SLFN12L: variants seen among roughly 807,000 people sequenced by gnomAD.
SLFN12L encodes the protein schlafen family member 12 like.
SLFN12L carries 34 observed loss-of-function variants against 34.8 expected under a neutral mutation model. The ratio of observed to expected loss-of-function variants is 0.98; its 90% CI spans 0.74 to 1.30. The LOEUF (loss-of-function observed/expected upper bound fraction) is 1.30. Ranked by LOEUF, SLFN12L falls within the 50% of genes most tolerant of loss-of-function variation. The pLI is 0.00. For missense variants in SLFN12L, 703 were observed against 696.2 expected (o/e 1.01, Z -0.11); for synonymous variants, 259 against 247.5 (o/e 1.05, Z -0.44).
intron 1 of SLFN12L, among the ~76,000 whole-genome samples, chr17:35,531,668 G>A (rs1286187903): frequency 6.6e-6 from 1 of 152,092 alleles, no homozygotes; most frequent in African/African-American, 2.4e-5. Flanking sequence ...CCAGGCTGGA[G>A]TGCAGTGGCG....
intron 2 of SLFN12L, chr17:35,487,677 G>A: frequency 6.6e-7 from 1 of 1,522,052 alleles, no homozygotes; most frequent in Non-Finnish European, 8.8e-7. Flanking sequence ...GTACCTATTT[G>A]TATTTTCTAA....
At position 35,465,302 on chromosome 17, in the gene SLFN12L, A is replaced by G. The variant is rs537551434; in HGVS notation, c.*9621T>C. On this transcript the variant is annotated 3_prime_UTR_variant, in exon 5 of 5. Transcript: ENST00000628453. ...AGGTTCCAACAAATTTAAACATTGTACCCCATATAATTTTAAAAGGTAGCT... is the reference window on the plus strand; with the variant it reads ...AGGTTCCAACAAATTTAAACATTGTGCCCCATATAATTTTAAAAGGTAGCT... Among the ~76,000 whole-genome samples the G allele has an allele frequency of 1.3e-5, 2 of 152,270 alleles. No individual in the cohort carries two copies. The highest frequency in any genetic ancestry group is 1.3e-4 in the Admixed American group (2 of 15,290).
intron 2 of SLFN12L, among the ~76,000 whole-genome samples, chr17:35,519,565 A>G (rs773346065): frequency 8.5e-5 from 13 of 152,182 alleles, no homozygotes; most frequent in Non-Finnish European, 1.5e-5. Context: ...TAATAGCTAC[A>G]TCCTCTCTCC....
At chr17:35,524,530 A>G (rs2142171460) in intron 1 of SLFN12L, among the ~76,000 whole-genome samples, 1 of 152,352 alleles carries the variant, frequency 6.6e-6, no homozygotes. Flanking sequence ...AGGAAAGAAC[A>G]GGCAGCAATC....
chr17:35,511,439 A>C (rs1302320367), intron 2 of SLFN12L, among the ~76,000 whole-genome samples: 1 of 152,256 alleles, frequency 6.6e-6, no homozygotes, highest in African/African-American at 2.4e-5. Flanking sequence ...CACACTTTAC[A>C]TAAATTAAGT....
chr17:35,488,086 G>C (rs554062345), intron 2 of SLFN12L, among the ~76,000 whole-genome samples: 253 of 152,348 alleles, frequency 1.7e-3, no homozygotes, highest in African/African-American at 6.0e-3. Context: ...GCGGGCGCCT[G>C]TAGTCCCAGC....
intron 2 of SLFN12L, among the ~76,000 whole-genome samples, chr17:35,507,464 G>C (rs971203156): frequency 6.6e-6 from 1 of 152,188 alleles, no homozygotes; most frequent in African/African-American, 2.4e-5. Context: ...TATCAAAATA[G>C]ATTGGCTCTT....
chr17:35,491,241 AT>A, intron 2 of SLFN12L: 1 of 1,078,298 alleles, frequency 9.3e-7, no homozygotes, highest in Non-Finnish European at 1.3e-6. Context: ...AGTGTAGTTG[AT>A]TATGCTTCAT....
chr17:35,530,728 T>G (rs562007374), intron 1 of SLFN12L, among the ~76,000 whole-genome samples: 279 of 152,210 alleles, frequency 1.8e-3, no homozygotes, highest in Non-Finnish European at 2.9e-3. Flanking sequence ...GTTGTGCAAA[T>G]CAATAAAACT....
chr17:35,505,074 T>A (rs1213916568), intron 2 of SLFN12L, among the ~76,000 whole-genome samples: 22 of 152,146 alleles, frequency 1.4e-4, no homozygotes, highest in Admixed American at 1.3e-3. Context: ...GAATACCAGA[T>A]CAATTTAAAG....
At chr17:35,498,749 C>A in intron 2 of SLFN12L, 1 of 1,261,680 alleles carries the variant, frequency 7.9e-7, no homozygotes, top group Non-Finnish European at 1.1e-6. Context: ...TTATCCACTA[C>A]CTCCAAAGTG....
In SLFN12L at chr17:35,479,775, G is replaced by T. The variant is rs1441326356; in HGVS notation, c.507C>A (p.Tyr169Ter). 2 of 1,613,758 alleles carry T rather than the reference G, an allele frequency of 1.2e-6. No homozygotes were observed. The highest frequency in any genetic ancestry group is 1.1e-5 in the South Asian group (1 of 91,016). The change falls in exon 3 of 5, where the codon TAC becomes TAA. Residue 169 changes from tyrosine to a stop codon, truncating the protein, a stop_gained. Transcript: ENST00000628453. LOFTEE classifies it high-confidence loss of function. Reference protein sequence around the residue: ...PQIATLSSSLYKRDVTSAKVM... With the variant: ...PQIATLSSSL ...CTTTTGCAGACGTTACATCTCTCTT[G>T]TACAAACTGGAGCTCAACGTGGCAA...
intron 2 of SLFN12L, among the ~76,000 whole-genome samples, chr17:35,511,302 T>C (rs1310048870): frequency 6.6e-6 from 1 of 152,182 alleles, no homozygotes; most frequent in Non-Finnish European, 1.5e-5. Context: ...GCAATAACAT[T>C]TCATTAATAC....
In SLFN12L at chr17:35,469,333, TATATA is replaced by T. The variant is rs1913768949; in HGVS notation, c.*5585_*5589del. ...TATATATATTATATATATAAATATA[TATATA>T]ATATATATATATATGTATTTCAAAC... On this transcript the variant is annotated 3_prime_UTR_variant, in exon 5 of 5. Transcript: ENST00000628453. Among the ~76,000 whole-genome samples, 1 of 137,678 alleles carries T rather than the reference TATATA, an allele frequency of 7.3e-6. No homozygotes were observed. The highest frequency in any genetic ancestry group is 1.5e-5 in the Non-Finnish European group (1 of 64,954). 90.3% of individuals were successfully genotyped at this position (137,678 alleles called of 152,430 possible). A position where few individuals can be genotyped will look rare whatever the true frequency, so the allele number is the denominator to read the frequency against.
chr17:35,522,845 GA>G lies in SLFN12L; in HGVS notation c.-482del. 8.6e-7 allele frequency: 1 copy of G among 1,164,866 alleles called. No individual in the cohort carries two copies. The highest frequency in any genetic ancestry group is 1.3e-6 in the Non-Finnish European group (1 of 790,550). The allele number at this position is 1,164,866 out of a possible 1,614,324, so 72.2% of individuals were successfully genotyped here. Reference sequence around the variant, plus strand: ...TCAGGTCCACAGCCTAGCTTCTAGAGAGGATCACAATTCCCCAGGAGAAAGG... The same window carrying G: ...TCAGGTCCACAGCCTAGCTTCTAGAGGGATCACAATTCCCCAGGAGAAAGG... On this transcript the variant is annotated 5_prime_UTR_variant, in exon 2 of 5. Coordinates refer to ENST00000628453, the MANE Select transcript of SLFN12L (RefSeq NM_001363830.2).
rs1232277305 is a variant in SLFN12L, at chr17:35,479,270, C to T, written c.1012G>A (p.Gly338Arg). 3 of 1,592,080 alleles carry T rather than the reference C, an allele frequency of 1.9e-6. No individual in the cohort carries two copies. In the South Asian group the frequency reaches 3.4e-5, roughly 18 times the overall value. Residue 338 changes from glycine to arginine, a missense_variant, in exon 3 of 5, where the codon GGA becomes AGA. Transcript: ENST00000628453. ...GCATACACATATCCACAAAGCCTTC[C>T]TTTATCATATACTCCAAGGAATTTG... ...LCKFLGVYDK[G>R]RLCGYVYALR...
At chr17:35,500,728 C>G (rs1055563894) in intron 2 of SLFN12L, among the ~76,000 whole-genome samples, 1 of 132,616 alleles carries the variant, frequency 7.5e-6, no homozygotes, top group African/African-American at 2.7e-5. Context: ...GACTCTGTCT[C>G]AAAAAAAAAA....
At chr17:35,498,131 C>T (rs1915155308) in intron 2 of SLFN12L, 1 of 604,302 alleles carries the variant, frequency 1.7e-6, no homozygotes, top group South Asian at 1.9e-5. Context: ...CAGAGCGAGA[C>T]CTGCAGCAGA....
At position 35,471,402 on chromosome 17, in the gene SLFN12L, G is replaced by A. The variant is rs934696908; in HGVS notation, c.*3521C>T. Among the ~76,000 whole-genome samples the A allele has an allele frequency of 6.6e-6, 1 of 152,164 alleles. No individual in the cohort carries two copies. The highest frequency in any genetic ancestry group is 1.5e-5 in the Non-Finnish European group (1 of 68,022). ...TCCACCCGCCTCAGCCTCCCAAAGT[G>A]CTGGGATTACAGGCATGAGCCACCG... On this transcript the variant is annotated 3_prime_UTR_variant, in exon 5 of 5. Transcript: ENST00000628453.
Sources: gnomAD v4.1 joint callset for allele counts (sites outside exome capture counted in the v4.1 genomes callset) on GRCh38, gnomAD v4.1.1 for gene constraint, MANE v1.5 for transcripts, NCBI Gene and HGNC (gene_info 2026-07-23, HGNC 2026-07-21) for gene names.